The following SLC25A26 variants were observed in gnomAD, a reference collection of about 807,000 sequenced individuals.
SLC25A26 encodes solute carrier family 25 member 26.
Under a neutral mutation model 37.8 loss-of-function variants are expected in SLC25A26, and 36 were observed. The ratio of observed to expected loss-of-function variants is 0.95; its 90% CI spans 0.73 to 1.26. SLC25A26 has a LOEUF of 1.26. Ranked by LOEUF, SLC25A26 falls within the 50% of genes most tolerant of loss-of-function variation. SLC25A26 has a pLI of 0.00. For missense variants in SLC25A26, 390 were observed against 331.1 expected (o/e 1.18, Z -1.38); for synonymous variants, 129 against 122.5 (o/e 1.05, Z -0.35).
At chr3:66,217,582 CTT>C (rs1173909031), upstream of SLC25A26, among the ~76,000 whole-genome samples, 1 of 150,728 alleles carries the variant, frequency 6.6e-6, no homozygotes, top group African/African-American at 2.4e-5. Context: ...GAGTCTTGCT[CTT>C]GTCACCCAGG....
rs374248753 is a variant in SLC25A26 at position 66,176,539 on chromosome 3, C to G, written c.-354+42555C>G. Among the ~76,000 whole-genome samples the G allele has an allele frequency of 4.7e-4, 72 of 152,228 alleles. No homozygotes were observed. The East Asian group carries it at 6.6e-3, about 14-fold the overall frequency. Reference sequence around the variant, plus strand: ...AACTAAAAAAAATCAAATCAGTCTTCTAAAACCTATTTGCAGTTACAGGAT... The same window carrying G: ...AACTAAAAAAAATCAAATCAGTCTTGTAAAACCTATTTGCAGTTACAGGAT... On this transcript the variant is annotated intron_variant, in intron 1 of 10. Transcript: ENST00000676754.
At chr3:66,151,737 C>T (rs1408793500) in intron 1 of SLC25A26, among the ~76,000 whole-genome samples, 1 of 152,186 alleles carries the variant, frequency 6.6e-6, no homozygotes, top group Admixed American at 6.5e-5. Context: ...CCTGGGGTAA[C>T]TGTGCCTGAC....
At chr3:66,366,658 C>T (rs1487009017) in intron 7 of SLC25A26, among the ~76,000 whole-genome samples, 1 of 152,170 alleles carries the variant, frequency 6.6e-6, no homozygotes, top group Non-Finnish European at 1.5e-5. Flanking sequence ...GTTTGATTTG[C>T]AGTAACTAAA....
intron 9 of SLC25A26, chr3:66,371,493 G>A (rs547179403): frequency 1.5e-6 from 2 of 1,368,728 alleles, no homozygotes; most frequent in Non-Finnish European, 1.9e-6. Context: ...AGTTTGAAAA[G>A]TAGGTGATAT....
intron 1 of SLC25A26, among the ~76,000 whole-genome samples, chr3:66,177,117 A>G (rs965769013): frequency 3.9e-5 from 6 of 152,168 alleles, no homozygotes; most frequent in African/African-American, 1.4e-4. Flanking sequence ...TGGCATTGGA[A>G]GCCTCATATG....
chr3:66,293,858 T>C (rs961758256), intron 5 of SLC25A26, among the ~76,000 whole-genome samples: 3 of 152,164 alleles, frequency 2.0e-5, no homozygotes, highest in Admixed American at 1.3e-4. Context: ...TACGTGTGCA[T>C]GTGTCTTTAT....
intron 1 of SLC25A26, among the ~76,000 whole-genome samples, chr3:66,139,659 G>A (rs2070004853): frequency 6.6e-6 from 1 of 152,178 alleles, no homozygotes; most frequent in Non-Finnish European, 1.5e-5. Context: ...TAGATAAGCA[G>A]TACAGATGGT....
At chr3:66,291,549 A>G (rs2074709101) in intron 5 of SLC25A26, among the ~76,000 whole-genome samples, 1 of 151,950 alleles carries the variant, frequency 6.6e-6, no homozygotes, top group South Asian at 2.1e-4. Context: ...TTCTCCCTTA[A>G]TTTCGTTTTG....
chr3:66,345,240 C>T (rs1056166356), intron 5 of SLC25A26, among the ~76,000 whole-genome samples: 21 of 152,140 alleles, frequency 1.4e-4, no homozygotes, highest in Non-Finnish European at 2.4e-4. Flanking sequence ...TTGTTAGACC[C>T]TCTCCACTCC....
At chr3:66,367,105 G>A (rs768181784) in intron 7 of SLC25A26, among the ~76,000 whole-genome samples, 6 of 152,216 alleles carry the variant, frequency 3.9e-5, no homozygotes, top group Non-Finnish European at 5.9e-5. Flanking sequence ...CCTGCTGTGA[G>A]TGTGCTGGTC....
chr3:66,209,690 G>T (rs1279013370), intron 1 of SLC25A26, among the ~76,000 whole-genome samples: 2 of 129,652 alleles, frequency 1.5e-5, no homozygotes, highest in Non-Finnish European at 1.6e-5. Flanking sequence ...GGTATATATA[G>T]GTATATATAA....
At chr3:66,175,142 C>T (rs754402823) in intron 1 of SLC25A26, among the ~76,000 whole-genome samples, 32,673 of 69,314 alleles carry the variant, frequency 0.47, 5,314 homozygotes, top group Non-Finnish European at 0.52. Context: ...TATATATATA[C>T]ACACACACAC....
chr3:66,332,733 A>G (rs1403608052), intron 5 of SLC25A26, among the ~76,000 whole-genome samples: 1 of 152,086 alleles, frequency 6.6e-6, no homozygotes, highest in Non-Finnish European at 1.5e-5. Flanking sequence ...TTTAGTATCT[A>G]TCTAGTGGAA....
At chr3:66,360,790 G>A (rs332389) in intron 6 of SLC25A26, among the ~76,000 whole-genome samples, 79,648 of 152,080 alleles carry the variant, frequency 0.52, 22,533 homozygotes, top group African/African-American at 0.73. Context: ...TGCCATGCCT[G>A]TGAGAAGAAA....
At chr3:66,364,727 A>G (rs1052668302) in intron 7 of SLC25A26, among the ~76,000 whole-genome samples, 1 of 152,194 alleles carries the variant, frequency 6.6e-6, no homozygotes, top group Non-Finnish European at 1.5e-5. Context: ...ATGAAAACCT[A>G]CTTTCACAGT....
chr3:66,313,914 C>G (rs575688831), intron 5 of SLC25A26, among the ~76,000 whole-genome samples: 1 of 152,158 alleles, frequency 6.6e-6, no homozygotes, highest in South Asian at 2.1e-4. Flanking sequence ...TGATTTGGCT[C>G]TCTGCTTGCC....
intron 1 of SLC25A26, among the ~76,000 whole-genome samples, chr3:66,230,985 G>A (rs1163375559): frequency 4.6e-5 from 7 of 152,046 alleles, no homozygotes; most frequent in African/African-American, 1.2e-4. Context: ...AACCAGCCTC[G>A]CCAACAGGGT....
intron 1 of SLC25A26, among the ~76,000 whole-genome samples, chr3:66,187,381 C>T (rs2070849137): frequency 6.6e-6 from 1 of 152,200 alleles, no homozygotes; most frequent in Admixed American, 6.5e-5. Context: ...CTTATTCTCA[C>T]TCTGAACCTG....
chr3:66,249,643 C>G (rs2107176383), intron 3 of SLC25A26, among the ~76,000 whole-genome samples: 1 of 152,302 alleles, frequency 6.6e-6, no homozygotes, highest in African/African-American at 2.4e-5. Flanking sequence ...TTGAATTAAT[C>G]ATGCTTTTGA....
Sources: gnomAD v4.1 joint callset for allele counts (sites outside exome capture counted in the v4.1 genomes callset) on GRCh38, gnomAD v4.1.1 for gene constraint, MANE v1.5 for transcripts, NCBI Gene and HGNC (gene_info 2026-07-23, HGNC 2026-07-21) for gene names.